Variants in FNTA observed in about 807,000 individuals in gnomAD.
The protein encoded by FNTA is protein farnesyltransferase/geranylgeranyltransferase type-1 subunit alpha.
A neutral mutation model predicts 55.2 loss-of-function variants in FNTA; 27 were observed. The observed-to-expected ratio is 0.49, with a 90% CI of 0.36 to 0.67. FNTA has a LOEUF of 0.67. Ranked by LOEUF, FNTA falls within the 30% of genes least tolerant of loss-of-function variation. The pLI is 0.00. For missense variants in FNTA, 422 were observed against 464.7 expected, an observed-to-expected ratio of 0.91 and a Z score of 0.85; for synonymous variants, 176 against 170.7, an observed-to-expected ratio of 1.03 and a Z score of -0.24.
intron 6 of FNTA, chr8:43,078,389 C>T (rs1301646951): frequency 6.6e-6 from 1 of 151,692 alleles, no homozygotes; most frequent in East Asian, 1.9e-4. Flanking sequence ...CTTGAGCAAT[C>T]TTGAGTTGAG....
chr8:43,074,376 T>A (rs1290694965), intron 5 of FNTA, among the ~76,000 whole-genome samples: 4 of 151,828 alleles, frequency 2.6e-5, no homozygotes, highest in Admixed American at 2.6e-4. Context: ...TACAAAAAAA[T>A]GAGACGAGCG....
intron 3 of FNTA, 128 bp from the exon 4 acceptor site, chr8:43,069,427 G>A (rs1181721212): frequency 6.4e-6 from 4 of 622,514 alleles, no homozygotes; most frequent in Non-Finnish European, 1.2e-5. Flanking sequence ...GCCTATAATT[G>A]TTAAATTATA....
intron 6 of FNTA, chr8:43,079,504 C>A: frequency 1.1e-5 from 1 of 88,742 alleles, no homozygotes; most frequent in South Asian, 3.0e-4. Flanking sequence ...ATTTTAAGCC[C>A]TCTTTGAGGT....
chr8:43,060,713 C>G (rs532023596), intron 2 of FNTA, among the ~76,000 whole-genome samples: 47 of 151,552 alleles, frequency 3.1e-4, no homozygotes, highest in African/African-American at 1.0e-3. Context: ...TGAATTCTTA[C>G]ATACACCATG....
intron 2 of FNTA, among the ~76,000 whole-genome samples, chr8:43,060,851 GGTAT>G (rs1388927938): frequency 6.6e-6 from 1 of 152,058 alleles, no homozygotes; most frequent in Admixed American, 6.6e-5. Context: ...TGTGGAAGAA[GGTAT>G]GTCATTTAAA....
In FNTA at chr8:43,065,739, A is replaced by G. The variant is rs1050610704; in HGVS notation, c.401+1524A>G. ...ATGCTGCATACCTGGTTTTCAGCTC[A>G]TTCATGTGTTAGATCCCCTGTGTCC... On this transcript the variant is annotated intron_variant, in intron 3 of 8. Transcript: ENST00000302279. Among the ~76,000 whole-genome samples, 15 of 151,406 alleles carry G rather than the reference A, an allele frequency of 9.9e-5. 1 individual carries two copies. The highest frequency in any genetic ancestry group is 3.4e-4 in the African/African-American group (14 of 40,694).
At chr8:43,064,658 T>C (rs1810612992) in intron 3 of FNTA, among the ~76,000 whole-genome samples, 1 of 151,838 alleles carries the variant, frequency 6.6e-6, no homozygotes, top group Non-Finnish European at 1.5e-5. Context: ...GGTTTAAAAG[T>C]CAGAAGCTGC....
At position 43,069,574 on chromosome 8, in the gene FNTA, T is replaced by C; in HGVS notation, c.421T>C (p.Leu141=). 1.2e-6 allele frequency: 2 copies of C among 1,612,524 alleles called. No individual in the cohort carries two copies. Among genetic ancestry groups the C allele is most frequent in the South Asian group, 1.1e-5 (1 of 91,040 alleles). Residue 141 remains leucine (L), a synonymous_variant, in exon 4 of 9, where the codon TTG becomes CTG. Coordinates refer to ENST00000302279, the MANE Select transcript of FNTA (RefSeq NM_002027.3). ...CCCTAGGCATTTCCGGAGAGTTCTT[T>C]TGAAGTCACTTCAGAAGGATCTACA... ...YTVWHFRRVL[L]KSLQKDLHEE...
At chr8:43,074,068 A>G (rs1810854613) in intron 5 of FNTA, among the ~76,000 whole-genome samples, 1 of 152,220 alleles carries the variant, frequency 6.6e-6, no homozygotes, top group Non-Finnish European at 1.5e-5. Flanking sequence ...AACATGAATT[A>G]TAAACATTCA....
intron 6 of FNTA, chr8:43,077,638 C>T: frequency 4.2e-6 from 1 of 239,280 alleles, no homozygotes. Context: ...AAAACCATCT[C>T]ATTAAATTTT....
intron 5 of FNTA, among the ~76,000 whole-genome samples, chr8:43,074,609 G>A (rs1810868291): frequency 1.3e-5 from 2 of 152,034 alleles, no homozygotes; most frequent in South Asian, 4.2e-4. Context: ...GATCCATACC[G>A]GCAACAACTT....
chr8:43,059,482 A>C (rs542875006), intron 2 of FNTA, among the ~76,000 whole-genome samples: 1 of 152,342 alleles, frequency 6.6e-6, no homozygotes, highest in South Asian at 2.1e-4. Flanking sequence ...GAGATTATGC[A>C]TGTACCACAC....
intron 5 of FNTA, among the ~76,000 whole-genome samples, chr8:43,074,834 G>C (rs1332988964): frequency 6.6e-6 from 1 of 152,074 alleles, no homozygotes; most frequent in Non-Finnish European, 1.5e-5. Flanking sequence ...TCTTGATTGT[G>C]GTAGTTATAC....
At position 43,056,432 on chromosome 8, in the gene FNTA, C is replaced by T. The variant is rs749982034; in HGVS notation, c.86C>T (p.Pro29Leu). Residue 29 changes from proline (P) to leucine (L), a missense_variant, in exon 1 of 9, where the codon CCG (proline) becomes CTG (leucine). Coordinates refer to ENST00000302279, the MANE Select transcript of FNTA (RefSeq NM_002027.3). Reference protein sequence around the residue: ...PAQPPPQPHPPPPQQQHKEEM... With the variant: ...PAQPPPQPHPLPPQQQHKEEM... ...CAACCCCCGCCCCAGCCGCACCCACCGCCGCCCCAGCAGCAGCACAAGGAA... is the reference window on the plus strand; with the variant it reads ...CAACCCCCGCCCCAGCCGCACCCACTGCCGCCCCAGCAGCAGCACAAGGAA... 3.9e-6 allele frequency: 6 copies of T among 1,538,610 alleles called. No homozygotes were observed. The highest frequency in any genetic ancestry group is 2.6e-5 in the East Asian group (1 of 38,948).
chr8:43,059,013 A>G, intron 1 of FNTA, 79 bp from the exon 2 acceptor site: 1 of 1,025,506 alleles, frequency 9.8e-7, no homozygotes, highest in Non-Finnish European at 1.5e-6. Flanking sequence ...AACTGTAATT[A>G]TTGTCATTTT....
intron 5 of FNTA, among the ~76,000 whole-genome samples, chr8:43,075,408 A>G (rs1460403505): frequency 6.6e-6 from 1 of 151,732 alleles, no homozygotes; most frequent in Non-Finnish European, 1.5e-5. Flanking sequence ...CTTTTTTATA[A>G]TGTCCCCTAC....
At chr8:43,074,682 C>A (rs1336296506) in intron 5 of FNTA, among the ~76,000 whole-genome samples, 1 of 152,122 alleles carries the variant, frequency 6.6e-6, no homozygotes, top group East Asian at 1.9e-4. Flanking sequence ...TACTGTATGG[C>A]TCCATTGAGA....
intron 3 of FNTA, among the ~76,000 whole-genome samples, chr8:43,068,098 C>G (rs1330197974): frequency 6.6e-6 from 1 of 152,126 alleles, no homozygotes; most frequent in Non-Finnish European, 1.5e-5. Flanking sequence ...GATGGTGTTT[C>G]ACCATGTTAG....
intron 2 of FNTA, among the ~76,000 whole-genome samples, chr8:43,060,547 C>T (rs1443882656): frequency 1.3e-5 from 2 of 151,830 alleles, no homozygotes; most frequent in African/African-American, 4.8e-5. Context: ...TGGTGGCAGG[C>T]GCCTGTAATC....
Sources: allele counts gnomAD v4.1 joint callset (sites outside exome capture counted in the v4.1 genomes callset), GRCh38; gene constraint gnomAD v4.1.1; transcripts MANE v1.5; gene names NCBI Gene and HGNC (gene_info 2026-07-23, HGNC 2026-07-21).